KAT6B: variants seen among roughly 807,000 people sequenced by gnomAD.
KAT6B encodes lysine acetyltransferase 6B.
Under a neutral mutation model 187.5 loss-of-function variants are expected in KAT6B, and 10 were observed. The observed-to-expected ratio is 0.05, with a 90% confidence interval of 0.03 to 0.09. KAT6B has a LOEUF of 0.09. Ranked by LOEUF, KAT6B falls within the 10% of genes least tolerant of loss-of-function variation. KAT6B has a pLI of 1.00. For missense variants in KAT6B, 1,952 were observed against 2,558.9 expected (o/e 0.76, Z 5.12); for synonymous variants, 861 against 926.8 (o/e 0.93, Z 1.29).
intron 16 of KAT6B, among the ~76,000 whole-genome samples, chr10:75,022,879 G>A (rs755003954): frequency 1.3e-5 from 2 of 152,168 alleles, no homozygotes; most frequent in African/African-American, 2.4e-5. Flanking sequence ...AGCCGAGATC[G>A]CACCATTGCA....
chr10:74,860,175 T>C (rs1473566145), intron 3 of KAT6B, among the ~76,000 whole-genome samples: 7 of 152,308 alleles, frequency 4.6e-5, no homozygotes, highest in African/African-American at 1.4e-4. Flanking sequence ...ACATGTATCT[T>C]GTGGAAAGTG....
intron 14 of KAT6B, 73 bp downstream of exon 14, chr10:75,020,886 C>G (rs950554440): frequency 4.8e-6 from 6 of 1,254,102 alleles, no homozygotes; most frequent in Non-Finnish European, 6.9e-6. Flanking sequence ...GAGATAGGTG[C>G]ATTCATTCCA....
At chr10:74,941,734 A>C (rs1849677563) in intron 3 of KAT6B, among the ~76,000 whole-genome samples, 1 of 152,362 alleles carries the variant, frequency 6.6e-6, no homozygotes, top group African/African-American at 2.4e-5. Flanking sequence ...CTGACAACAT[A>C]ATAGTGATGA....
chr10:74,913,032 T>C (rs1319063539), intron 3 of KAT6B, among the ~76,000 whole-genome samples: 1 of 152,188 alleles, frequency 6.6e-6, no homozygotes, highest in African/African-American at 2.4e-5. Flanking sequence ...TAAATAAGTG[T>C]CAAGTGAAGT....
intron 17 of KAT6B, among the ~76,000 whole-genome samples, chr10:75,026,648 TAAC>T (rs1257011460): frequency 2.0e-5 from 3 of 151,860 alleles, no homozygotes; most frequent in East Asian, 1.9e-4. Flanking sequence ...TTTAAACAAA[TAAC>T]AAACTGCAGT....
At chr10:74,873,025 G>T (rs1199414940) in intron 3 of KAT6B, among the ~76,000 whole-genome samples, 1 of 152,136 alleles carries the variant, frequency 6.6e-6, no homozygotes, top group Non-Finnish European at 1.5e-5. Flanking sequence ...CTTAAGCGGG[G>T]TGAATGATCA....
In KAT6B at chr10:75,030,302, A is replaced by G; in HGVS notation, c.5478A>G (p.Thr1826=). The G allele has an allele frequency of 6.2e-7, 1 of 1,614,150 alleles. No homozygotes were observed. The highest frequency in any genetic ancestry group is 1.1e-5 in the South Asian group (1 of 91,070). The change falls in exon 18 of 18, where the codon ACA becomes ACG. Residue 1826 remains threonine, a synonymous_variant. Transcript: ENST00000287239. The surrounding 1 kb of genome is among the most constrained non-coding windows in gnomAD (Gnocchi z 4.8). ...CCAAACTGCAGCAGTTAACTAATACACTTATTGATCATTCATTGCCTTACA... is the reference window on the plus strand; with the variant it reads ...CCAAACTGCAGCAGTTAACTAATACGCTTATTGATCATTCATTGCCTTACA... ...SLAKLQQLTN[T]LIDHSLPYSH...
At chr10:74,841,118 T>C (rs1052313502) in intron 2 of KAT6B, among the ~76,000 whole-genome samples, 1 of 152,330 alleles carries the variant, frequency 6.6e-6, no homozygotes, top group African/African-American at 2.4e-5. Context: ...TATACCAGTA[T>C]TGCCTACAAG....
intron 8 of KAT6B, 79 bp downstream of exon 8, chr10:74,976,409 A>T (rs1460833197): frequency 2.4e-5 from 28 of 1,154,326 alleles, no homozygotes; most frequent in Admixed American, 3.6e-5. Flanking sequence ...CAACCAATCA[A>T]TTCCTATTTG....
intron 16 of KAT6B, among the ~76,000 whole-genome samples, chr10:75,024,535 C>T (rs1016824613): frequency 6.6e-6 from 1 of 152,204 alleles, no homozygotes; most frequent in African/African-American, 2.4e-5. Flanking sequence ...CAAGAGTTCT[C>T]AAGTATTAAA....
chr10:75,004,629 A>C (rs1377161979), intron 13 of KAT6B, among the ~76,000 whole-genome samples: 1 of 152,220 alleles, frequency 6.6e-6, no homozygotes. Context: ...AGGCTGTGGC[A>C]GTGCAGAGGA....
chr10:74,965,775 G>C lies in KAT6B; in HGVS notation c.731-3885G>C, dbSNP rs1051360319. Among the ~76,000 whole-genome samples the C allele has an allele frequency of 7.3e-5, 11 of 151,718 alleles. 1 individual carries two copies. The highest frequency in any genetic ancestry group is 7.2e-4 in the Admixed American group (11 of 15,244). On this transcript the variant is annotated intron_variant, in intron 4 of 17. Transcript: ENST00000287239. The stretch of plus-strand genomic sequence containing the variant: ...GAGTCTCACTCTGATGCCCAGGCTG[G>C]AGTGCAGTGGCGTGATCTCGGTTCA...
chr10:74,870,934 A>G (rs1192466424), intron 3 of KAT6B, among the ~76,000 whole-genome samples: 1 of 143,082 alleles, frequency 7.0e-6, no homozygotes, highest in African/African-American at 2.6e-5. Flanking sequence ...CTGGAGTGCT[A>G]TGGCACGATC....
At chr10:74,880,247 C>G (rs1844748558) in intron 3 of KAT6B, among the ~76,000 whole-genome samples, 1 of 152,220 alleles carries the variant, frequency 6.6e-6, no homozygotes, top group South Asian at 2.1e-4. Context: ...TTCCTTTAGA[C>G]TGTGGCAACC....
intron 10 of KAT6B, among the ~76,000 whole-genome samples, chr10:74,980,009 AT>A (rs1842406344): frequency 6.6e-6 from 1 of 152,190 alleles, no homozygotes; most frequent in Admixed American, 6.5e-5. Context: ...AAATACAAAA[AT>A]TAGCCAGACG....
In KAT6B at chr10:74,979,240, G is replaced by A. The variant is rs770593072; in HGVS notation, c.2132G>A (p.Ser711Asn). The A allele has an allele frequency of 6.2e-7, 1 of 1,612,154 alleles. No homozygotes were observed. Among genetic ancestry groups the A allele is most frequent in the Non-Finnish European group, 8.5e-7 (1 of 1,178,266 alleles). Residue 711 changes from serine to asparagine, a missense_variant, in exon 10 of 18, where the codon AGT becomes AAT. This residue lies in a region of KAT6B where 417 missense variants were observed against 508.9 expected (regional missense o/e 0.82). Transcript: ENST00000287239. ...ELSWEKIECE[S>N]GVEDCGRYPS... The stretch of plus-strand genomic sequence containing the variant: ...ATTTGACAGAAAATAGAGTGTGAGA[G>A]TGGGGTGGAAGACTGTGGCCGGTAC...
At chr10:75,013,824 G>A (rs866517073) in intron 13 of KAT6B, among the ~76,000 whole-genome samples, 1 of 152,162 alleles carries the variant, frequency 6.6e-6, no homozygotes, top group South Asian at 2.1e-4. Flanking sequence ...AATCCCTGAG[G>A]TCACACAGCT....
At chr10:74,930,869 C>G (rs1043127685) in intron 3 of KAT6B, among the ~76,000 whole-genome samples, 1 of 152,104 alleles carries the variant, frequency 6.6e-6, no homozygotes, top group African/African-American at 2.4e-5. Flanking sequence ...CCCCCTCGAC[C>G]TTTTACAGTT....
chr10:74,967,976 T>TA (rs1259392617), intron 4 of KAT6B, among the ~76,000 whole-genome samples: 2 of 152,020 alleles, frequency 1.3e-5, no homozygotes, highest in Admixed American at 1.3e-4. Flanking sequence ...CAGGAAGTAA[T>TA]AAAAAAGAGG....
Sources: gnomAD v4.1 joint callset for allele counts (sites outside exome capture counted in the v4.1 genomes callset) on GRCh38, gnomAD v4.1.1 for gene constraint, gnomAD v4.1.1 regional missense constraint, Gnocchi (gnomAD v3.1) non-coding constraint, MANE v1.5 for transcripts, NCBI Gene and HGNC (gene_info 2026-07-23, HGNC 2026-07-21) for gene names.